GRIP1: variants seen among roughly 807,000 people sequenced by gnomAD.
GRIP1 encodes glutamate receptor interacting protein 1, also known as glutamate receptor-interacting protein 1.
In GRIP1, 45 loss-of-function variants were observed where a neutral mutation model predicts 129.9. That is an observed-to-expected ratio of 0.35 (90% CI 0.27 to 0.44). The LOEUF is 0.44. Among genes scored for constraint, GRIP1 ranks in the 20% least tolerant of loss-of-function variants. GRIP1 has a pLI of 1.00. For missense variants in GRIP1, 1,196 were observed against 1,396.8 expected (o/e 0.86, Z 2.29); for synonymous variants, 530 against 520.8 (o/e 1.02, Z -0.24).
At chr12:66,797,053 G>C (rs1251355150) in intron 1 of GRIP1, among the ~76,000 whole-genome samples, 1 of 152,186 alleles carries the variant, frequency 6.6e-6, no homozygotes, top group Non-Finnish European at 1.5e-5. Flanking sequence ...AAGCTTTTTG[G>C]TTGTAAGATT....
intron 23 of GRIP1, among the ~76,000 whole-genome samples, chr12:66,366,731 T>G (rs979995283): frequency 6.6e-6 from 1 of 152,228 alleles, no homozygotes; most frequent in Non-Finnish European, 1.5e-5. Context: ...TCACCCAGGC[T>G]TGAGTGCACT....
intron 7 of GRIP1, among the ~76,000 whole-genome samples, chr12:66,514,930 A>C (rs1279171753): frequency 1.3e-5 from 2 of 152,148 alleles, no homozygotes; most frequent in African/African-American, 4.8e-5. Context: ...TTCAATTTCA[A>C]GTTCCAATTC....
intron 1 of GRIP1, among the ~76,000 whole-genome samples, chr12:66,980,164 T>C (rs905856675): frequency 1.3e-5 from 2 of 152,162 alleles, no homozygotes; most frequent in Non-Finnish European, 2.9e-5. Flanking sequence ...GGACATGAAA[T>C]GCTACAAACA....
intron 2 of GRIP1, among the ~76,000 whole-genome samples, chr12:66,566,068 CAG>C (rs1393585872): frequency 6.6e-6 from 1 of 152,180 alleles, no homozygotes; most frequent in African/African-American, 2.4e-5. Context: ...CATCTGCAAA[CAG>C]AGACAATTTG....
chr12:66,572,771 C>A (rs1218981333), intron 2 of GRIP1, among the ~76,000 whole-genome samples: 1 of 152,174 alleles, frequency 6.6e-6, no homozygotes, highest in Non-Finnish European at 1.5e-5. Flanking sequence ...TCCCAGAAAG[C>A]CATCTATGCC....
intron 11 of GRIP1, among the ~76,000 whole-genome samples, chr12:66,450,247 T>C (rs1178559590): frequency 7.9e-6 from 1 of 126,552 alleles, no homozygotes; most frequent in Non-Finnish European, 1.5e-5. Flanking sequence ...GAGCTTGCAG[T>C]GAGCGGAGAT....
intron 13 of GRIP1, among the ~76,000 whole-genome samples, chr12:66,436,861 C>CT (rs1192210789): frequency 6.6e-6 from 1 of 151,476 alleles, no homozygotes; most frequent in Non-Finnish European, 1.5e-5. Flanking sequence ...TGGCACATGC[C>CT]TATAATCCCA....
At chr12:66,948,891 G>C (rs1243257189) in intron 1 of GRIP1, among the ~76,000 whole-genome samples, 9 of 152,078 alleles carry the variant, frequency 5.9e-5, no homozygotes, top group African/African-American at 2.2e-4. Context: ...ACAAATTGTA[G>C]AGTTTTATTT....
At chr12:66,508,918 A>G (rs1009708973) in intron 7 of GRIP1, among the ~76,000 whole-genome samples, 14 of 152,332 alleles carry the variant, frequency 9.2e-5, no homozygotes, top group African/African-American at 3.1e-4. Context: ...AAGTCAGTAC[A>G]GATTTGGCAC....
intron 1 of GRIP1, among the ~76,000 whole-genome samples, chr12:66,914,242 C>T (rs1466134515): frequency 6.6e-6 from 1 of 152,116 alleles, no homozygotes; most frequent in Non-Finnish European, 1.5e-5. Context: ...ATCAATAATG[C>T]CAGCCCCAGG....
chr12:66,977,019 A>T (rs1259011374), intron 1 of GRIP1, among the ~76,000 whole-genome samples: 1 of 152,170 alleles, frequency 6.6e-6, no homozygotes, highest in Admixed American at 6.5e-5. Context: ...GTCCCCGCTG[A>T]GGCCTTTGAA....
intron 23 of GRIP1, among the ~76,000 whole-genome samples, chr12:66,354,062 AC>A (rs1227880817): frequency 3.9e-5 from 6 of 152,172 alleles, no homozygotes; most frequent in African/African-American, 1.4e-4. Context: ...TTGCTCTGGA[AC>A]CCCCAATGAG....
At chr12:66,909,803 A>G (rs909770902) in intron 1 of GRIP1, among the ~76,000 whole-genome samples, 1 of 152,096 alleles carries the variant, frequency 6.6e-6, no homozygotes, top group Non-Finnish European at 1.5e-5. Flanking sequence ...CTCTTCTAAT[A>G]TGTCTAAAAT....
At chr12:66,505,993 A>G (rs1267879348) in intron 7 of GRIP1, among the ~76,000 whole-genome samples, 3 of 152,222 alleles carry the variant, frequency 2.0e-5, no homozygotes. Flanking sequence ...AACCACAATG[A>G]GATATTATTA....
At chr12:66,511,428 T>C (rs778273098) in intron 7 of GRIP1, among the ~76,000 whole-genome samples, 9 of 152,188 alleles carry the variant, frequency 5.9e-5, no homozygotes, top group Non-Finnish European at 1.2e-4. Flanking sequence ...ATATAATATT[T>C]AACACTTAAT....
intron 1 of GRIP1, among the ~76,000 whole-genome samples, chr12:66,684,836 C>A (rs190676224): frequency 6.6e-6 from 1 of 152,088 alleles, no homozygotes; most frequent in Non-Finnish European, 1.5e-5. Flanking sequence ...CAGAGCAAGA[C>A]TCTGTCGAAA....
chr12:66,448,085 C>G (rs552743273), intron 11 of GRIP1, among the ~76,000 whole-genome samples: 1 of 152,196 alleles, frequency 6.6e-6, no homozygotes, highest in Non-Finnish European at 1.5e-5. Context: ...CTGCATGTAT[C>G]TTCTCAACTC....
intron 1 of GRIP1, among the ~76,000 whole-genome samples, chr12:66,751,516 T>G (rs959210491): frequency 3.9e-5 from 6 of 152,180 alleles, no homozygotes; most frequent in African/African-American, 1.4e-4. Flanking sequence ...CAGGGCATGA[T>G]GACTGAATGC....
intron 16 of GRIP1, among the ~76,000 whole-genome samples, chr12:66,396,940 G>T (rs1029784673): frequency 6.6e-6 from 1 of 151,078 alleles, no homozygotes; most frequent in African/African-American, 2.4e-5. Flanking sequence ...ATGAATCCCC[G>T]TCTTAACTAA....
Sources: allele counts gnomAD v4.1 joint callset (sites outside exome capture counted in the v4.1 genomes callset), GRCh38; gene constraint gnomAD v4.1.1; transcripts MANE v1.5; gene names NCBI Gene and HGNC (gene_info 2026-07-23, HGNC 2026-07-21).